Variants in APBB2 observed in about 807,000 individuals in gnomAD.
APBB2 encodes amyloid beta precursor protein binding family B member 2.
Under a neutral mutation model 82.5 loss-of-function variants are expected in APBB2, and 38 were observed. The observed-to-expected ratio is 0.46, with a 90% confidence interval of 0.36 to 0.60. APBB2 has a LOEUF of 0.60. Ranked by LOEUF, APBB2 falls within the 20% of genes least tolerant of loss-of-function variation. The probability of loss-of-function intolerance (pLI) is 0.00; values close to 1 mark genes in which losing one functional copy is unlikely to be tolerated. For synonymous variants in APBB2, 341 were observed against 368.2 expected (o/e 0.93, Z 0.85); for missense variants, 772 against 972.3 (o/e 0.79, Z 2.74).
At chr4:41,177,758 T>C (rs938221920) in intron 1 of APBB2, 1 of 152,138 alleles carries the variant, frequency 6.6e-6, no homozygotes, top group Non-Finnish European at 1.5e-5. Context: ...TTAATATGAG[T>C]TAATACAGGG....
chr4:41,180,584 G>C (rs1771061623), intron 1 of APBB2, among the ~76,000 whole-genome samples: 1 of 152,102 alleles, frequency 6.6e-6, no homozygotes, highest in South Asian at 2.1e-4. Flanking sequence ...GGAGGTCGAG[G>C]CTGCAGTGAG....
intron 12 of APBB2, among the ~76,000 whole-genome samples, chr4:40,849,729 T>A (rs1463755975): frequency 6.8e-6 from 1 of 147,756 alleles, no homozygotes; most frequent in Non-Finnish European, 1.5e-5. Context: ...AAGTTACTTT[T>A]TTTTTTTTTT....
intron 12 of APBB2, among the ~76,000 whole-genome samples, chr4:40,853,752 C>A (rs1760248992): frequency 6.6e-6 from 1 of 152,046 alleles, no homozygotes; most frequent in South Asian, 2.1e-4. Context: ...CCACCACACC[C>A]AGCTGTTCCT....
chr4:41,088,175 T>C (rs1740473837), intron 3 of APBB2, among the ~76,000 whole-genome samples: 1 of 152,234 alleles, frequency 6.6e-6, no homozygotes. Context: ...CAAGGTCACA[T>C]AAGGAGGTGG....
At chr4:41,211,709 T>C (rs1412317668) in intron 1 of APBB2, among the ~76,000 whole-genome samples, 1 of 152,098 alleles carries the variant, frequency 6.6e-6, no homozygotes, top group Non-Finnish European at 1.5e-5. Flanking sequence ...CTCAAACTCC[T>C]GACCTCAAGT....
At chr4:40,969,299 G>GGATCCATAATAA (rs879580621) in intron 6 of APBB2, among the ~76,000 whole-genome samples, 4 of 152,180 alleles carry the variant, frequency 2.6e-5, no homozygotes, top group Non-Finnish European at 5.9e-5. Flanking sequence ...GAAGTTACAT[G>GGATCCATAATAA]TGTGAGATCC....
At chr4:40,887,018 T>C (rs991523658) in intron 12 of APBB2, among the ~76,000 whole-genome samples, 14 of 152,040 alleles carry the variant, frequency 9.2e-5, no homozygotes, top group Non-Finnish European at 1.5e-4. Flanking sequence ...CAGACATGGC[T>C]CTCAACAAGA....
chr4:40,944,353 T>A (rs893217039), intron 7 of APBB2, among the ~76,000 whole-genome samples: 1 of 152,222 alleles, frequency 6.6e-6, no homozygotes, highest in Non-Finnish European at 1.5e-5. Flanking sequence ...TCTAAAATAA[T>A]GTCACTTCTA....
chr4:40,829,867 T>C (rs1751275757), intron 13 of APBB2, among the ~76,000 whole-genome samples: 1 of 152,182 alleles, frequency 6.6e-6, no homozygotes, highest in African/African-American at 2.4e-5. Flanking sequence ...CGAGCCACTG[T>C]GTGTCCTCAG....
chr4:41,024,396 G>A (rs1244340172), intron 5 of APBB2, among the ~76,000 whole-genome samples: 1 of 152,178 alleles, frequency 6.6e-6, no homozygotes, highest in Non-Finnish European at 1.5e-5. Flanking sequence ...ACAACCTACA[G>A]AATGGGAGAA....
chr4:41,016,692 TCA>T (rs1451279645), intron 5 of APBB2, among the ~76,000 whole-genome samples: 5 of 151,848 alleles, frequency 3.3e-5, no homozygotes, highest in East Asian at 1.9e-4. Flanking sequence ...AGCCATATTT[TCA>T]CAGTCTTTGG....
chr4:40,934,145 C>T (rs149924225), intron 10 of APBB2, among the ~76,000 whole-genome samples: 1 of 152,326 alleles, frequency 6.6e-6, no homozygotes, highest in Admixed American at 6.5e-5. Context: ...CTTTGCAAGG[C>T]AGAGCCTGGT....
chr4:40,841,452 C>T (rs548303100), intron 12 of APBB2, among the ~76,000 whole-genome samples: 291 of 152,286 alleles, frequency 1.9e-3, no homozygotes, highest in African/African-American at 6.8e-3. Context: ...GGCAGGCGGA[C>T]ATGCAGAGCA....
chr4:40,965,690 A>G (rs1794507442), intron 6 of APBB2, among the ~76,000 whole-genome samples: 1 of 152,214 alleles, frequency 6.6e-6, no homozygotes, highest in South Asian at 2.1e-4. Context: ...TGGCTATTAA[A>G]TATTTAACAT....
intron 1 of APBB2, among the ~76,000 whole-genome samples, chr4:41,198,436 T>C: frequency 6.6e-6 from 1 of 152,232 alleles, no homozygotes; most frequent in Admixed American, 6.5e-5. Flanking sequence ...TTTTGAAATA[T>C]AATAGCAGCA....
intron 12 of APBB2, among the ~76,000 whole-genome samples, chr4:40,859,359 C>T (rs1036535642): frequency 6.6e-6 from 1 of 151,800 alleles, no homozygotes; most frequent in South Asian, 2.1e-4. Context: ...CAACCTCCTC[C>T]TCTTGGGTTC....
chr4:40,970,512 TTTTG>T (rs772623335), intron 6 of APBB2, among the ~76,000 whole-genome samples: 156 of 152,096 alleles, frequency 1.0e-3, no homozygotes, highest in Admixed American at 1.7e-3. Context: ...TGCATTTGGG[TTTTG>T]TTTGTTTTAA....
intron 12 of APBB2, among the ~76,000 whole-genome samples, chr4:40,884,152 T>A (rs1324312898): frequency 1.3e-5 from 2 of 152,194 alleles, no homozygotes. Context: ...ACAGAGTAGC[T>A]TCCCATTTGG....
intron 4 of APBB2, among the ~76,000 whole-genome samples, chr4:41,034,249 C>T (rs1488489613): frequency 6.6e-6 from 1 of 152,148 alleles, no homozygotes; most frequent in Non-Finnish European, 1.5e-5. Context: ...GATGATAATA[C>T]ACCCATACAA....
Sources: allele counts gnomAD v4.1 joint callset (sites outside exome capture counted in the v4.1 genomes callset), GRCh38; gene constraint gnomAD v4.1.1; transcripts MANE v1.5; gene names NCBI Gene and HGNC (gene_info 2026-07-23, HGNC 2026-07-21).